DCC: variants seen among roughly 807,000 people sequenced by gnomAD.
DCC encodes the protein netrin receptor DCC.
Under a neutral mutation model 172.5 loss-of-function variants are expected in DCC, and 58 were observed. That is an observed-to-expected ratio of 0.34 (90% CI 0.27 to 0.42). The LOEUF (loss-of-function observed/expected upper bound fraction) is 0.42, where lower values mean the gene tolerates loss of function less well. Among genes scored for constraint, DCC ranks in the 10% least tolerant of loss-of-function variants. The pLI is 1.00. For synonymous variants in DCC, 709 were observed against 644.5 expected (o/e 1.10, Z -1.52); for missense variants, 1,740 against 1,791.0 (o/e 0.97, Z 0.51).
At chr18:53,346,284 T>A (rs1387327295) in intron 15 of DCC, among the ~76,000 whole-genome samples, 1 of 152,212 alleles carries the variant, frequency 6.6e-6, no homozygotes, top group Non-Finnish European at 1.5e-5. Flanking sequence ...CATTTTTTAC[T>A]ATATCTTGCC....
intron 12 of DCC, among the ~76,000 whole-genome samples, chr18:53,257,088 C>A (rs1481500301): frequency 6.6e-6 from 1 of 152,108 alleles, no homozygotes; most frequent in Non-Finnish European, 1.5e-5. Flanking sequence ...GCTGAAGTTG[C>A]CTATTAGCTT....
intron 1 of DCC, among the ~76,000 whole-genome samples, chr18:52,378,640 G>T (rs562344796): frequency 6.6e-6 from 1 of 152,002 alleles, no homozygotes; most frequent in African/African-American, 2.4e-5. Flanking sequence ...TCTACTTCCC[G>T]GGTTCAAGTG....
chr18:52,452,180 A>G (rs1988326370), intron 1 of DCC, among the ~76,000 whole-genome samples: 1 of 152,196 alleles, frequency 6.6e-6, no homozygotes. Flanking sequence ...ACCTAAACAA[A>G]TCCAAAAATA....
intron 2 of DCC, among the ~76,000 whole-genome samples, chr18:52,870,749 A>G (rs914111554): frequency 2.3e-5 from 3 of 133,318 alleles, no homozygotes; most frequent in African/African-American, 5.7e-5. Context: ...CTATGATTTC[A>G]TCTCTGACCC....
chr18:53,447,110 A>T (rs1912659395), intron 22 of DCC, among the ~76,000 whole-genome samples: 1 of 152,236 alleles, frequency 6.6e-6, no homozygotes, highest in Non-Finnish European at 1.5e-5. Context: ...GGTTGATAAA[A>T]CAGTGTGATC....
chr18:52,427,816 CTTCCTTCCTTCCTTCCTTT>C (rs1568165671), intron 1 of DCC, among the ~76,000 whole-genome samples: 3 of 90,420 alleles, frequency 3.3e-5, no homozygotes, highest in Non-Finnish European at 4.4e-5. Flanking sequence ...TTCTTCCTTT[CTTCCTTCCTTCCTTCCTTT>C]CTTCCTTCCT....
At chr18:52,679,032 A>C (rs1166140281) in intron 1 of DCC, among the ~76,000 whole-genome samples, 1 of 152,074 alleles carries the variant, frequency 6.6e-6, no homozygotes, top group Non-Finnish European at 1.5e-5. Context: ...AAAAAGCTAT[A>C]TTGACCTAGG....
intron 25 of DCC, among the ~76,000 whole-genome samples, chr18:53,475,138 A>C (rs957922912): frequency 6.6e-6 from 1 of 152,258 alleles, no homozygotes; most frequent in African/African-American, 2.4e-5. Flanking sequence ...AAAGCATTCA[A>C]GATGTGACTT....
In DCC at chr18:53,428,858, T is replaced by G. The variant is rs1439640234; in HGVS notation, c.3164-6286T>G. On this transcript the variant is annotated intron_variant, in intron 21 of 28. Transcript: ENST00000442544. ...TATATTTTATATATAATAAATTATA[T>G]ATTATATATTTTATATATAATAAAT... is the stretch of plus-strand genomic sequence containing the variant. Among the ~76,000 whole-genome samples the G allele has an allele frequency of 1.1e-4, 5 of 44,216 alleles. No individual in the cohort carries two copies. The South Asian group carries it at 5.4e-3, about 48-fold the overall frequency. 29.0% of individuals were successfully genotyped at this position (44,216 alleles called of 152,430 possible). A position where few individuals can be genotyped will look rare whatever the true frequency, so the allele number is the denominator to read the frequency against.
intron 12 of DCC, among the ~76,000 whole-genome samples, chr18:53,263,708 G>A (rs2056633297): frequency 6.6e-6 from 1 of 151,966 alleles, no homozygotes; most frequent in Middle Eastern, 3.4e-3. Flanking sequence ...TTTTGGTTTT[G>A]CATTATAATA....
chr18:52,635,754 C>T (rs1247223403), intron 1 of DCC, among the ~76,000 whole-genome samples: 1 of 152,112 alleles, frequency 6.6e-6, no homozygotes, highest in East Asian at 1.9e-4. Context: ...TATGAAAAAT[C>T]AATAAGACCT....
intron 12 of DCC, among the ~76,000 whole-genome samples, chr18:53,280,121 T>C (rs1452274850): frequency 6.6e-6 from 1 of 152,146 alleles, no homozygotes; most frequent in East Asian, 1.9e-4. Context: ...TAGGCTTCTG[T>C]TGAAGCCTAT....
chr18:52,440,440 T>C (rs1234713173), intron 1 of DCC, among the ~76,000 whole-genome samples: 2 of 152,290 alleles, frequency 1.3e-5, no homozygotes, highest in East Asian at 3.9e-4. Context: ...ATTTCAGGTG[T>C]GTGAAAGGGG....
At chr18:53,317,888 G>T (rs1449076136) in intron 13 of DCC, among the ~76,000 whole-genome samples, 1 of 151,870 alleles carries the variant, frequency 6.6e-6, no homozygotes, top group Non-Finnish European at 1.5e-5. Flanking sequence ...TTCTTTATTT[G>T]TCTGGCTAGT....
chr18:52,496,764 C>T lies in DCC; in HGVS notation c.91+155886C>T, dbSNP rs182582342. Among the ~76,000 whole-genome samples the T allele has an allele frequency of 1.3e-3, 200 of 152,146 alleles. 1 individual carries two copies. The highest frequency in any genetic ancestry group is 4.5e-3 in the African/African-American group (186 of 41,514). Reference sequence around the variant, plus strand: ...GTCATTTATTTTGTAGCCTTTGGGGCTTTGACAGGCAATACCCAATCTGTT... The same window carrying T: ...GTCATTTATTTTGTAGCCTTTGGGGTTTTGACAGGCAATACCCAATCTGTT... On this transcript the variant is annotated intron_variant, in intron 1 of 28. Transcript: ENST00000442544.
intron 5 of DCC, among the ~76,000 whole-genome samples, chr18:53,000,591 T>C (rs1340128260): frequency 6.8e-6 from 1 of 146,444 alleles, no homozygotes; most frequent in Non-Finnish European, 1.5e-5. Context: ...CATTCTTTTT[T>C]TTTTTTTTTT....
intron 1 of DCC, among the ~76,000 whole-genome samples, chr18:52,397,273 G>A (rs1261037749): frequency 6.6e-6 from 1 of 151,896 alleles, no homozygotes; most frequent in African/African-American, 2.4e-5. Flanking sequence ...TAAATTCCTG[G>A]GAGATCTGAT....
Position 53,027,224 on chromosome 18 carries a change from G to A in DCC, c.986-36081G>A, listed in dbSNP as rs1478693629. 2.0e-5 allele frequency among the ~76,000 whole-genome samples: 3 copies of A among 152,182 alleles called. 1 individual carries two copies. The South Asian group carries it at 6.2e-4, about 32-fold the overall frequency. On this transcript the variant is annotated intron_variant, in intron 5 of 28. Transcript: ENST00000442544. Reference sequence around the variant, plus strand: ...CAATGCTGCTACTTTCCTTGGAGGAGTAGAGATATCTGGTTCCTGTTTTAT... The same window carrying A: ...CAATGCTGCTACTTTCCTTGGAGGAATAGAGATATCTGGTTCCTGTTTTAT...
intron 5 of DCC, among the ~76,000 whole-genome samples, chr18:53,048,018 C>T (rs1384394870): frequency 2.0e-5 from 3 of 151,690 alleles, no homozygotes; most frequent in Non-Finnish European, 2.9e-5. Flanking sequence ...AGGAAAATGA[C>T]ATTTCCCCAC....
Sources: gnomAD v4.1 joint callset for allele counts (sites outside exome capture counted in the v4.1 genomes callset) on GRCh38, gnomAD v4.1.1 for gene constraint, MANE v1.5 for transcripts, NCBI Gene and HGNC (gene_info 2026-07-23, HGNC 2026-07-21) for gene names.